PAH: variants seen among roughly 807,000 people sequenced by gnomAD.
PAH encodes the protein phenylalanine hydroxylase.
Under a neutral mutation model 62.0 loss-of-function variants are expected in PAH, and 64 were observed. The ratio of observed to expected loss-of-function variants is 1.03; its 90% CI spans 0.84 to 1.27. The LOEUF (loss-of-function observed/expected upper bound fraction) is 1.27. PAH is among the 50% of genes most tolerant of loss of function. The probability of loss-of-function intolerance (pLI) is 0.00; values close to 1 mark genes in which losing one functional copy is unlikely to be tolerated. For missense variants in PAH, 579 were observed against 542.8 expected (o/e 1.07, Z -0.66); for synonymous variants, 195 against 196.2 (o/e 0.99, Z 0.05).
chr12:102,882,665 T>TATATAA (rs1876867182), intron 3 of PAH, among the ~76,000 whole-genome samples: 1 of 47,592 alleles, frequency 2.1e-5, no homozygotes, highest in Non-Finnish European at 3.9e-5. Context: ...TATATATATA[T>TATATAA]ATATATATAT....
chr12:102,955,754 C>G (rs187630853), upstream of PAH, among the ~76,000 whole-genome samples: 2 of 152,138 alleles, frequency 1.3e-5, no homozygotes, highest in Non-Finnish European at 2.9e-5. Flanking sequence ...ACCTCTTAGG[C>G]CCTTTCCTTG....
At chr12:102,926,559 T>TA (rs147599060) in intron 1 of PAH, among the ~76,000 whole-genome samples, 1 of 151,642 alleles carries the variant, frequency 6.6e-6, no homozygotes, top group African/African-American at 2.4e-5. Flanking sequence ...TTTTTGCCAT[T>TA]AAAAAAATGC....
At chr12:102,890,554 A>G (rs1338730683) in intron 3 of PAH, among the ~76,000 whole-genome samples, 1 of 152,210 alleles carries the variant, frequency 6.6e-6, no homozygotes, top group African/African-American at 2.4e-5. Context: ...GGCAGCCACT[A>G]TGGGATTGGG....
intron 2 of PAH, among the ~76,000 whole-genome samples, chr12:102,910,958 G>A (rs1878180099): frequency 6.6e-6 from 1 of 152,116 alleles, no homozygotes; most frequent in Non-Finnish European, 1.5e-5. Context: ...CGCCAACCCT[G>A]GGAGATCTGG....
chr12:102,903,077 TG>T (rs1862082825), intron 2 of PAH, among the ~76,000 whole-genome samples: 1 of 152,204 alleles, frequency 6.6e-6, no homozygotes, highest in Admixed American at 6.5e-5. Flanking sequence ...AAAGACCCTG[TG>T]GGCTGGGCAC....
At chr12:102,863,769 A>G (rs546598980) in intron 5 of PAH, among the ~76,000 whole-genome samples, 2 of 152,238 alleles carry the variant, frequency 1.3e-5, no homozygotes, top group Non-Finnish European at 2.9e-5. Context: ...ACCCGCCTTA[A>G]ACTCTTCATT....
At chr12:102,918,254 C>G (rs1878460511), upstream of PAH, among the ~76,000 whole-genome samples, 1 of 152,046 alleles carries the variant, frequency 6.6e-6, no homozygotes, top group African/African-American at 2.4e-5. Context: ...GGAGGTAAAA[C>G]AAAGTATAAA....
intron 2 of PAH, among the ~76,000 whole-genome samples, chr12:102,906,034 G>A (rs1877963000): frequency 6.6e-6 from 1 of 151,808 alleles, no homozygotes; most frequent in African/African-American, 2.4e-5. Context: ...GTAAGAAAAA[G>A]GCACATTTGC....
At chr12:102,840,994 A>G (rs552764630) in intron 11 of PAH, among the ~76,000 whole-genome samples, 1 of 152,314 alleles carries the variant, frequency 6.6e-6, no homozygotes, top group Admixed American at 6.5e-5. Context: ...TGTTCCAAGA[A>G]CTATGTTAAG....
At chr12:102,899,407 T>G (rs1340464783) in intron 2 of PAH, among the ~76,000 whole-genome samples, 2 of 152,198 alleles carry the variant, frequency 1.3e-5, no homozygotes, top group African/African-American at 4.8e-5. Flanking sequence ...AAACAATTTA[T>G]GTTTTATGAC....
chr12:102,855,177 T>G lies in PAH; in HGVS notation c.665A>C (p.Asp222Ala). Residue 222 changes from aspartate (D) to alanine (A), a missense_variant, in exon 6 of 13, where the codon GAT becomes GCT. Transcript: ENST00000553106. Reference protein sequence around the residue: ...LLEKYCGFHEDNIPQLEDVSQ... With the variant: ...LLEKYCGFHEANIPQLEDVSQ... ...AACGTCTTCCAGCTGGGGAATGTTA[T>G]CTTCATGGAAGCCACAGTACTTTTC... 6 of 1,614,112 alleles carry G rather than the reference T, an allele frequency of 3.7e-6. No individual in the cohort carries two copies. The highest frequency in any genetic ancestry group is 5.1e-6 in the Non-Finnish European group (6 of 1,179,928).
intron 1 of PAH, among the ~76,000 whole-genome samples, chr12:102,932,599 C>T (rs1878924813): frequency 6.6e-6 from 1 of 152,168 alleles, no homozygotes. Flanking sequence ...ATACATATAT[C>T]TTACATTTTG....
chr12:102,906,569 T>A (rs993817318), intron 2 of PAH, among the ~76,000 whole-genome samples: 1 of 152,252 alleles, frequency 6.6e-6, no homozygotes, highest in Non-Finnish European at 1.5e-5. Context: ...ATACATTTTT[T>A]AAATGTTGCA....
intron 9 of PAH, among the ~76,000 whole-genome samples, chr12:102,844,756 T>C (rs901486952): frequency 1.3e-5 from 2 of 152,202 alleles, no homozygotes; most frequent in African/African-American, 4.8e-5. Context: ...CTCCAGGCTT[T>C]CTGGCCTTTG....
chr12:102,919,716 T>C (rs995818501), upstream of PAH, among the ~76,000 whole-genome samples: 1 of 152,210 alleles, frequency 6.6e-6, no homozygotes, highest in African/African-American at 2.4e-5. Flanking sequence ...TTTCTGTGCC[T>C]GGCTTATTTC....
At position 102,852,485 on chromosome 12, in the gene PAH, T is replaced by C. The variant is rs150190403; in HGVS notation, c.842+330A>G. ...GTAATCTAGATGTATACTTAGGAAG[T>C]ATTGAGATAGCTTGGCTGCCACTTG... On this transcript the variant is annotated intron_variant, in intron 7 of 12. Transcript: ENST00000553106. Among the ~76,000 whole-genome samples, 18 of 152,208 alleles carry C rather than the reference T, an allele frequency of 1.2e-4. No individual in the cohort carries two copies. The East Asian group carries it at 3.3e-3, about 28-fold the overall frequency.
At chr12:102,909,506 A>G (rs774513763) in intron 2 of PAH, among the ~76,000 whole-genome samples, 3 of 152,160 alleles carry the variant, frequency 2.0e-5, no homozygotes, top group Non-Finnish European at 2.9e-5. Flanking sequence ...TCCACTGTAA[A>G]GAAACTCTTC....
chr12:102,860,841 G>C (rs547857114), intron 5 of PAH, among the ~76,000 whole-genome samples: 2 of 152,100 alleles, frequency 1.3e-5, no homozygotes, highest in Non-Finnish European at 2.9e-5. Context: ...ATTCAAGATG[G>C]ATTAAAGACT....
chr12:102,884,651 C>G (rs959119012), intron 3 of PAH, among the ~76,000 whole-genome samples: 7 of 152,148 alleles, frequency 4.6e-5, no homozygotes, highest in African/African-American at 1.4e-4. Context: ...AGTCCTTGCA[C>G]CTGAGCCTCA....
Sources: gnomAD v4.1 joint callset for allele counts (sites outside exome capture counted in the v4.1 genomes callset) on GRCh38, gnomAD v4.1.1 for gene constraint, MANE v1.5 for transcripts, NCBI Gene and HGNC (gene_info 2026-07-23, HGNC 2026-07-21) for gene names.